RAI14: variants seen among roughly 807,000 people sequenced by gnomAD.
The protein encoded by RAI14 is retinoic acid induced 14, also known as ankycorbin.
In RAI14, 45 loss-of-function variants were observed where a neutral mutation model predicts 115.4. The ratio of observed to expected loss-of-function variants is 0.39; its 90% confidence interval spans 0.31 to 0.50. RAI14 has a LOEUF of 0.50. Among genes scored for constraint, RAI14 ranks in the 20% least tolerant of loss-of-function variants. RAI14 has a pLI of 0.85. For synonymous variants in RAI14, 371 were observed against 415.4 expected, an observed-to-expected ratio of 0.89 and a Z score of 1.30; for missense variants, 939 against 1,131.2, an observed-to-expected ratio of 0.83 and a Z score of 2.44.
chr5:34,689,888 C>CA (rs1443508543), intron 2 of RAI14, among the ~76,000 whole-genome samples: 3 of 151,984 alleles, frequency 2.0e-5, no homozygotes, highest in Non-Finnish European at 2.9e-5. Context: ...CAAAACAAAA[C>CA]AAAAAAACAA....
intron 1 of RAI14, among the ~76,000 whole-genome samples, chr5:34,660,808 A>G (rs1579840723): frequency 6.7e-6 from 1 of 149,990 alleles, no homozygotes; most frequent in South Asian, 2.1e-4. Context: ...AGTTCATGTC[A>G]GACACATGTT....
At chr5:34,686,629 G>T (rs1561237153) in intron 1 of RAI14, among the ~76,000 whole-genome samples, 1 of 151,920 alleles carries the variant, frequency 6.6e-6, no homozygotes, top group Non-Finnish European at 1.5e-5. Flanking sequence ...ATTTTTATTT[G>T]TCAATTAAAA....
intron 1 of RAI14, chr5:34,685,742 A>G (rs1319833803): frequency 6.6e-6 from 1 of 152,152 alleles, no homozygotes; most frequent in Admixed American, 6.5e-5. Context: ...TAGATGAGCA[A>G]TCTTGACTTT....
rs754377323 is a variant in RAI14 at position 34,823,715 on chromosome 5, G to C, written c.1873G>C (p.Asp625His). ...LKSQMTQEASDEAEDMKEAMN... is the reference protein window; with the variant it reads ...LKSQMTQEASHEAEDMKEAMN... ...AAGTCAGATGACACAGGAAGCCAGT[G>C]ATGAAGCTGAGGACATGAAAGAAGC... Residue 625 changes from aspartate (D) to histidine (H), a missense_variant, in exon 15 of 18, where the codon GAT becomes CAT. Physicochemically the swap from Asp to His is moderately conservative, Grantham distance 81. Coordinates refer to ENST00000265109, the MANE Select transcript of RAI14 (RefSeq NM_015577.3). The surrounding 1 kb of genome is among the most constrained non-coding windows in gnomAD (Gnocchi z 4.5). The C allele has an allele frequency of 2.5e-6, 4 of 1,614,184 alleles. No homozygotes were observed. Among genetic ancestry groups the C allele is most frequent in the Non-Finnish European group, 2.5e-6 (3 of 1,180,048 alleles).
In RAI14 at chr5:34,822,985, C is replaced by A. The variant is rs377452240; in HGVS notation, c.1143C>A (p.Asp381Glu). 1.2e-5 allele frequency: 20 copies of A among 1,613,486 alleles called. No individual in the cohort carries two copies. The African/African-American group carries it at 2.3e-4, about 18-fold the overall frequency. Residue 381 changes from aspartate to glutamate, a missense_variant, in exon 15 of 18, where the codon GAC (aspartate) becomes GAA (glutamate). Transcript: ENST00000265109. ...QAKSPKEAEA[D>E]LSFDSYHSTQ... is the part of the protein sequence containing the mutation. ...AATCACCCAAGGAGGCGGAAGCAGA[C>A]CTAAGCTTTGACTCATACCATTCCA...
At chr5:34,730,932 G>C (rs1744097850) in intron 2 of RAI14, among the ~76,000 whole-genome samples, 1 of 152,220 alleles carries the variant, frequency 6.6e-6, no homozygotes, top group African/African-American at 2.4e-5. Context: ...GCAGTGAGCT[G>C]AGGCCGTGCC....
At chr5:34,663,935 C>A (rs2149842403) in intron 1 of RAI14, among the ~76,000 whole-genome samples, 1 of 152,288 alleles carries the variant, frequency 6.6e-6, no homozygotes, top group East Asian at 1.9e-4. Flanking sequence ...TCTAACCTTA[C>A]TTGCGATCTA....
chr5:34,826,482 G>A lies in RAI14; in HGVS notation c.2799+3G>A. On this transcript the variant is annotated splice_donor_region_variant and intron_variant, in intron 16 of 17. Coordinates refer to ENST00000265109, the MANE Select transcript of RAI14 (RefSeq NM_015577.3). ...AACAGCTCCAGAACCAGCTGGCGGT[G>A]AGTGGGCTTGTTTCTGCTGCCTGGT... 6.2e-7 allele frequency: 1 copy of A among 1,612,092 alleles called. No homozygotes were observed. The highest frequency in any genetic ancestry group is 8.5e-7 in the Non-Finnish European group (1 of 1,178,898).
chr5:34,667,549 A>T (rs1283627048), intron 1 of RAI14, among the ~76,000 whole-genome samples: 12 of 151,950 alleles, frequency 7.9e-5, no homozygotes, highest in African/African-American at 2.7e-4. Flanking sequence ...AGCCTTTTTT[A>T]TTATTATTAT....
At chr5:34,828,004 A>G (rs183476482) in intron 16 of RAI14, among the ~76,000 whole-genome samples, 3 of 152,320 alleles carry the variant, frequency 2.0e-5, no homozygotes, top group Admixed American at 2.0e-4. Context: ...ATATGTTGTT[A>G]CTTAGCAAGG....
chr5:34,820,918 T>G (rs73764054), intron 13 of RAI14, among the ~76,000 whole-genome samples: 18,311 of 152,150 alleles, frequency 0.12, 2,090 homozygotes, highest in African/African-American at 0.3. Context: ...CTTTAAGGAC[T>G]GGGCAAAGTT....
chr5:34,708,376 A>G (rs1229755781), intron 2 of RAI14, among the ~76,000 whole-genome samples: 3 of 151,880 alleles, frequency 2.0e-5, no homozygotes, highest in African/African-American at 7.3e-5. Context: ...CTAATTTTCT[A>G]TTTTTAGTAG....
chr5:34,733,623 G>A (rs972578297), intron 2 of RAI14, among the ~76,000 whole-genome samples: 2 of 152,294 alleles, frequency 1.3e-5, no homozygotes, highest in Middle Eastern at 3.4e-3. Flanking sequence ...AGCACCTGAA[G>A]GGAGAGAAGA....
chr5:34,701,314 C>T (rs773341009), intron 2 of RAI14, among the ~76,000 whole-genome samples: 9 of 152,126 alleles, frequency 5.9e-5, no homozygotes, highest in Non-Finnish European at 8.8e-5. Flanking sequence ...TGCAAAGCTC[C>T]TTCTTTGTGG....
intron 3 of RAI14, among the ~76,000 whole-genome samples, chr5:34,774,447 A>G (rs1290760510): frequency 6.6e-6 from 1 of 152,176 alleles, no homozygotes; most frequent in Non-Finnish European, 1.5e-5. Flanking sequence ...ATAAAAAATC[A>G]GTAGCATTTC....
Position 34,791,235 on chromosome 5 carries a change from A to G in RAI14, c.168-4704A>G, listed in dbSNP as rs338275. On this transcript the variant is annotated intron_variant, in intron 3 of 17. Transcript: ENST00000265109. The surrounding 1 kb of genome is among the most constrained non-coding windows in gnomAD (Gnocchi z 5.4). The stretch of plus-strand genomic sequence containing the variant: ...GTTACCGTAAAAAGTTTGAATTTTA[A>G]TATTTCTTTATTGAGTAGTGGGACC... Among the ~76,000 whole-genome samples, 80,773 of 151,870 alleles carry G rather than the reference A, an allele frequency of 0.53. 21,872 individuals carry two copies. Among genetic ancestry groups the G allele is most frequent in the Non-Finnish European group, 0.57 (38,392 of 67,946 alleles).
intron 2 of RAI14, among the ~76,000 whole-genome samples, chr5:34,723,099 CAA>C (rs34763264): frequency 2.3e-4 from 20 of 85,640 alleles, no homozygotes; most frequent in East Asian, 7.4e-4. Context: ...GACCCTGTCT[CAA>C]AAAAAAAAAA....
chr5:34,807,045 G>A (rs1193109326), intron 5 of RAI14, among the ~76,000 whole-genome samples: 1 of 152,212 alleles, frequency 6.6e-6, no homozygotes, highest in Non-Finnish European at 1.5e-5. Flanking sequence ...CCTGGCACGT[G>A]AGAGCTAATA....
At chr5:34,743,565 A>G (rs150944217) in intron 2 of RAI14, among the ~76,000 whole-genome samples, 5 of 152,320 alleles carry the variant, frequency 3.3e-5, no homozygotes, top group African/African-American at 1.2e-4. Flanking sequence ...GGAGGACACT[A>G]TTGAACCCCC....
Sources: gnomAD v4.1 joint callset for allele counts (sites outside exome capture counted in the v4.1 genomes callset) on GRCh38, gnomAD v4.1.1 for gene constraint, Gnocchi (gnomAD v3.1) non-coding constraint, MANE v1.5 for transcripts, NCBI Gene and HGNC (gene_info 2026-07-23, HGNC 2026-07-21) for gene names.